TLE3: variants seen among roughly 807,000 people sequenced by gnomAD.
The protein encoded by TLE3 is TLE family member 3, transcriptional corepressor, also known as transducin-like enhancer protein 3.
A neutral mutation model predicts 93.0 loss-of-function variants in TLE3; 14 were observed. The observed-to-expected ratio is 0.15, with a 90% CI of 0.10 to 0.24. TLE3 has a LOEUF of 0.24. TLE3 is among the 10% of genes least tolerant of loss of function. The probability of loss-of-function intolerance (pLI) is 1.00; values close to 1 mark genes in which losing one functional copy is unlikely to be tolerated. For synonymous variants in TLE3, 451 were observed against 425.0 expected (o/e 1.06, Z -0.75); for missense variants, 693 against 1,046.6 (o/e 0.66, Z 4.66).
At chr15:70,065,968 T>TG in intron 7 of TLE3, 46 bp downstream of exon 7, 2,342 of 1,337,542 alleles carry the variant, frequency 1.8e-3, no homozygotes, top group Non-Finnish European at 2.3e-3. Context: ...TGAGCGCCCA[T>TG]GCCCACCCCT....
chr15:70,056,785 G>A (rs1407362988), intron 13 of TLE3, among the ~76,000 whole-genome samples: 1 of 152,132 alleles, frequency 6.6e-6, no homozygotes, highest in African/African-American at 2.4e-5. Context: ...TTTTTGAGAT[G>A]GAGTCTCGCT....
chr15:70,076,304 C>G, intron 4 of TLE3, 146 bp from the exon 5 acceptor site: 1 of 705,062 alleles, frequency 1.4e-6, no homozygotes, highest in Admixed American at 2.4e-5. Flanking sequence ...AGCCTCCTAC[C>G]AGGAGGCTCT....
intron 4 of TLE3, among the ~76,000 whole-genome samples, chr15:70,087,627 T>C (rs1212030656): frequency 6.6e-6 from 1 of 152,220 alleles, no homozygotes; most frequent in Non-Finnish European, 1.5e-5. Flanking sequence ...TCCATGCTCC[T>C]ACCCTTTACC....
chr15:70,094,627 T>A, intron 3 of TLE3, 51 bp from the exon 4 acceptor site: 1 of 1,374,420 alleles, frequency 7.3e-7, no homozygotes, highest in Admixed American at 2.7e-5. Flanking sequence ...ATCTGGTCAT[T>A]TTTCAAAATC....
intron 14 of TLE3, 164 bp from the exon 15 acceptor site, chr15:70,055,462 T>A: frequency 1.1e-6 from 1 of 879,326 alleles, no homozygotes. Context: ...CTGGGATGGC[T>A]CCATCGAGGT....
Position 70,060,402 on chromosome 15 carries a change from A to C in TLE3, c.714+128T>G. The C allele has an allele frequency of 7.9e-6, 10 of 1,264,502 alleles. No individual in the cohort carries two copies. The South Asian group carries it at 1.4e-4, about 18-fold the overall frequency. 78.3% of individuals were successfully genotyped at this position (1,264,502 alleles called of 1,614,324 possible). ...CCTGCTCTCCTCAATAGGGTCCCCT[A>C]TCGCCAACCTGTGCTTCTCTGACTC... On this transcript the variant is annotated intron_variant, in intron 9 of 19. Transcript: ENST00000451782.
Position 70,097,012 on chromosome 15 carries a change from C to A in TLE3, c.-214G>T. The A allele has an allele frequency of 3.4e-6, 2 of 593,354 alleles. 1 individual carries two copies. Among genetic ancestry groups the A allele is most frequent in the South Asian group, 3.8e-5 (2 of 52,006 alleles). 36.8% of individuals were successfully genotyped at this position (593,354 alleles called of 1,614,324 possible). On this transcript the variant is annotated 5_prime_UTR_variant, in exon 1 of 20. Coordinates refer to ENST00000451782, the MANE Select transcript of TLE3 (RefSeq NM_001105192.3). ...GCCGCGGAGCAGGCGGCAAAGTCGT[C>A]GGCGGGCGCCGGGGCCGGGCGGCGG...
chr15:70,071,197 T>C (rs2057135687), intron 6 of TLE3, among the ~76,000 whole-genome samples: 1 of 152,210 alleles, frequency 6.6e-6, no homozygotes, highest in Non-Finnish European at 1.5e-5. Flanking sequence ...CTCCTCGTGC[T>C]CAGGAATCTT....
At chr15:70,065,977 C>CAGCCCCCCCCCCCCCCCA in intron 7 of TLE3, 37 bp downstream of exon 7, 1 of 1,332,292 alleles carries the variant, frequency 7.5e-7, no homozygotes, top group Non-Finnish European at 1.1e-6. Context: ...ATGCCCACCC[C>CAGCCCCCCCCCCCCCCCA]TGCCCCGCCC....
chr15:70,096,258 G>C lies in TLE3; in HGVS notation c.28C>G (p.Pro10Ala), dbSNP rs2058554072. 6.4e-7 allele frequency: 1 copy of C among 1,553,064 alleles called. No individual in the cohort carries two copies. The highest frequency in any genetic ancestry group is 8.7e-7 in the Non-Finnish European group (1 of 1,148,164). The change falls in exon 2 of 20, where the codon CCC (proline) becomes GCC (alanine). Residue 10 changes from proline to alanine, a missense_variant. Physicochemically the swap from Pro to Ala is conservative, Grantham distance 27 (BLOSUM62 -1). Coordinates refer to ENST00000451782, the MANE Select transcript of TLE3 (RefSeq NM_001105192.3). MYPQGRHPA[P>A]HQPGQPGFKF... Reference sequence around the variant, plus strand: ...AATCCCGGCTGCCCGGGTTGATGGGGAGCCTGGAGCCCGCGAAGACAAGAC... The same window carrying C: ...AATCCCGGCTGCCCGGGTTGATGGGCAGCCTGGAGCCCGCGAAGACAAGAC...
intron 8 of TLE3, among the ~76,000 whole-genome samples, chr15:70,062,047 T>A (rs994371507): frequency 6.6e-6 from 1 of 152,158 alleles, no homozygotes; most frequent in African/African-American, 2.4e-5. Context: ...GTGGGAATAG[T>A]GCGGCAACCA....
intron 2 of TLE3, 80 bp from the exon 3 acceptor site, chr15:70,095,721 C>T: frequency 2.0e-6 from 3 of 1,479,438 alleles, no homozygotes; most frequent in Non-Finnish European, 2.7e-6. Context: ...GCCTCTAGAG[C>T]CACTTTTCCA....
In TLE3 at chr15:70,059,430, C is replaced by G. The variant is rs2056317865; in HGVS notation, c.745G>C (p.Val249Leu). ...DSDGDKSDDL[V>L]VDVSNEDPAT... The stretch of plus-strand genomic sequence containing the variant: ...CATACCTCATTGGAAACATCCACCA[C>G]CAGATCATCACTCTTGTCTCCATCA... The change falls in exon 10 of 20, where the codon GTG becomes CTG. Residue 249 changes from valine (V) to leucine (L), a missense_variant. This residue lies in a region of TLE3 where 405 missense variants were observed against 468.9 expected (regional missense o/e 0.86). Transcript: ENST00000451782. 1 of 1,611,314 alleles carries G rather than the reference C, an allele frequency of 6.2e-7. No homozygotes were observed. Among genetic ancestry groups the G allele is most frequent in the African/African-American group, 1.3e-5 (1 of 74,900 alleles).
At chr15:70,056,421 AC>A (rs774385002) in intron 13 of TLE3, 47 bp from the exon 14 acceptor site, 2 of 1,562,192 alleles carry the variant, frequency 1.3e-6, no homozygotes, top group Non-Finnish European at 1.7e-6. Flanking sequence ...GCTGCCACAC[AC>A]CCCCACCCCT....
rs967407790 is a variant in TLE3 at position 70,097,414 on chromosome 15, T to A, written c.-616A>T. 2.4e-6 allele frequency: 1 copy of A among 410,294 alleles called. No individual in the cohort carries two copies. Among genetic ancestry groups the A allele is most frequent in the African/African-American group, 2.1e-5 (1 of 48,568 alleles). The allele number at this position is 410,294 out of a possible 1,614,324, so 25.4% of individuals were successfully genotyped here. ...GGCGCGGGCGCTTCGACGCCCCCCC[T>A]CGGAGAGGAGAGCCTGCTGTTCCGT... On this transcript the variant is annotated 5_prime_UTR_variant, in exon 1 of 20. Transcript: ENST00000451782.
At chr15:70,069,062 C>T (rs78233088) in intron 6 of TLE3, among the ~76,000 whole-genome samples, 3,206 of 152,338 alleles carry the variant, frequency 0.021, 140 homozygotes, top group East Asian at 0.21. Context: ...CAGGTGTACA[C>T]TGTTTCTTTT....
Position 70,058,674 on chromosome 15 carries a change from C to G in TLE3, c.907G>C (p.Asp303His), listed in dbSNP as rs1403740075. Residue 303 changes from aspartate to histidine, a missense_variant, in exon 11 of 20, where the codon GAC becomes CAC. Asp to His is a moderately conservative substitution (Grantham distance 81). This residue lies in a region of TLE3 where 405 missense variants were observed against 468.9 expected (regional missense o/e 0.86). Coordinates refer to ENST00000451782, the MANE Select transcript of TLE3 (RefSeq NM_001105192.3). The surrounding 1 kb of genome is among the most constrained non-coding windows in gnomAD (Gnocchi z 4.1). ...CAGACCCCACATACATGACCAAGGT[C>G]TTTGGTCTTGGAGGAAGGTGTGCTA... ...SSSTPSSKTK[D>H]LGHNDKSSTP... 3.7e-6 allele frequency: 6 copies of G among 1,601,042 alleles called. No individual in the cohort carries two copies. The highest frequency in any genetic ancestry group is 8.5e-7 in the Non-Finnish European group (1 of 1,173,548).
In TLE3 at chr15:70,097,711, C is replaced by T. The variant is rs1253532695; in HGVS notation, c.-913G>A. On this transcript the variant is annotated 5_prime_UTR_variant, in exon 1 of 20. Coordinates refer to ENST00000451782, the MANE Select transcript of TLE3 (RefSeq NM_001105192.3). ...AGCCCGAGACCGGGGAGCTCTACGG[C>T]TTCCTTCCTTCCCCTCGGCCCGGCT... The T allele has an allele frequency of 5.0e-6, 2 of 396,218 alleles. No individual in the cohort carries two copies. 24.5% of individuals were successfully genotyped at this position (396,218 alleles called of 1,614,324 possible).
At position 70,074,529 on chromosome 15, in the gene TLE3, G is replaced by A. The variant is rs767870307; in HGVS notation, c.372+4C>T. 19 of 1,611,186 alleles carry A rather than the reference G, an allele frequency of 1.2e-5. No individual in the cohort carries two copies. The highest frequency in any genetic ancestry group is 1.6e-4 in the Middle Eastern group (1 of 6,080). On this transcript the variant is annotated splice_donor_region_variant and intron_variant, in intron 6 of 19. Coordinates refer to ENST00000451782, the MANE Select transcript of TLE3 (RefSeq NM_001105192.3). ...GTAAGAGGCAGATTGGGGAGTCCACGTACCCCGATGATGGCGTTCAGCTCC... is the reference window on the plus strand; with the variant it reads ...GTAAGAGGCAGATTGGGGAGTCCACATACCCCGATGATGGCGTTCAGCTCC...
Sources: gnomAD v4.1 joint callset for allele counts (sites outside exome capture counted in the v4.1 genomes callset) on GRCh38, gnomAD v4.1.1 for gene constraint, gnomAD v4.1.1 regional missense constraint, Gnocchi (gnomAD v3.1) non-coding constraint, MANE v1.5 for transcripts, NCBI Gene and HGNC (gene_info 2026-07-23, HGNC 2026-07-21) for gene names.